Variants in SPON1 observed in about 807,000 individuals in gnomAD.
The protein encoded by SPON1 is spondin 1.
SPON1 carries 52 observed loss-of-function variants against 111.7 expected under a neutral mutation model. The observed-to-expected ratio is 0.47, with a 90% CI of 0.37 to 0.59. The LOEUF (loss-of-function observed/expected upper bound fraction) is 0.59, where lower values mean the gene tolerates loss of function less well. Among genes scored for constraint, SPON1 ranks in the 20% least tolerant of loss-of-function variants. The probability of loss-of-function intolerance (pLI) is 0.00; values close to 1 mark genes in which losing one functional copy is unlikely to be tolerated. For missense variants in SPON1, 957 were observed against 1,068.5 expected, an observed-to-expected ratio of 0.90 and a Z score of 1.46; for synonymous variants, 410 against 395.8, an observed-to-expected ratio of 1.04 and a Z score of -0.43.
intron 6 of SPON1, among the ~76,000 whole-genome samples, chr11:14,149,164 G>A (rs532548796): frequency 1.2e-4 from 19 of 152,274 alleles, no homozygotes; most frequent in African/African-American, 4.6e-4. Flanking sequence ...GAAGCTGAAA[G>A]TGATGAGTTA....
At chr11:13,989,066 A>G (rs1228640860) in intron 2 of SPON1, among the ~76,000 whole-genome samples, 1 of 152,226 alleles carries the variant, frequency 6.6e-6, no homozygotes, top group Non-Finnish European at 1.5e-5. Context: ...GCCTCATAAA[A>G]TGAATTAGGG....
intron 5 of SPON1, among the ~76,000 whole-genome samples, chr11:14,082,438 C>T (rs1433889901): frequency 2.0e-5 from 3 of 152,144 alleles, no homozygotes; most frequent in African/African-American, 7.2e-5. Flanking sequence ...TTTTAAAAGT[C>T]TTTCTTTCCC....
rs1848765907 is a variant in SPON1 at position 14,228,781 on chromosome 11, TGTATA to T, written c.826-14549_826-14545del. Among the ~76,000 whole-genome samples, 1 of 152,196 alleles carries T rather than the reference TGTATA, an allele frequency of 6.6e-6. No individual in the cohort carries two copies. The highest frequency in any genetic ancestry group is 1.5e-5 in the Non-Finnish European group (1 of 68,036). ...CTTCCACACTAACGCACAATAAAGTTGTATAGGGCAACCGTGAGATGTGAAAACAA... is the reference window on the plus strand; with the variant it reads ...CTTCCACACTAACGCACAATAAAGTTGGGCAACCGTGAGATGTGAAAACAA... On this transcript the variant is annotated intron_variant, in intron 6 of 15. Transcript: ENST00000576479. This position sits in a 1 kb window ranked among gnomAD's most constrained non-coding sequence, Gnocchi z 4.2.
chr11:14,158,410 C>G lies in SPON1; in HGVS notation c.825+22842C>G, dbSNP rs564404399. Reference sequence around the variant, plus strand: ...GTTGCAAACTTCCTTCACCATGACTCTTACAAATTAGCAACTGCCTCAGAA... The same window carrying G: ...GTTGCAAACTTCCTTCACCATGACTGTTACAAATTAGCAACTGCCTCAGAA... On this transcript the variant is annotated intron_variant, in intron 6 of 15. Coordinates refer to ENST00000576479, the MANE Select transcript of SPON1 (RefSeq NM_006108.4). Among the ~76,000 whole-genome samples, 3 of 152,298 alleles carry G rather than the reference C, an allele frequency of 2.0e-5. No individual in the cohort carries two copies. In the South Asian group the frequency reaches 6.2e-4, roughly 32 times the overall value.
At chr11:14,161,403 C>A (rs1847962825) in intron 6 of SPON1, among the ~76,000 whole-genome samples, 1 of 149,240 alleles carries the variant, frequency 6.7e-6, no homozygotes, top group Non-Finnish European at 1.5e-5. Context: ...ACTGCAAACT[C>A]CACCTCCCAG....
chr11:13,964,824 T>C (rs1205066790), intron 1 of SPON1, among the ~76,000 whole-genome samples: 12 of 152,144 alleles, frequency 7.9e-5, no homozygotes, highest in African/African-American at 2.9e-4. Flanking sequence ...AGTGGCCTAT[T>C]CGGCCCTCCC....
At chr11:13,976,129 A>G (rs1458834692) in intron 1 of SPON1, among the ~76,000 whole-genome samples, 2 of 152,232 alleles carry the variant, frequency 1.3e-5, no homozygotes, top group South Asian at 2.1e-4. Flanking sequence ...CAGAGATCAC[A>G]TAAGTGGTAG....
At chr11:13,995,542 C>G (rs188709496) in intron 2 of SPON1, among the ~76,000 whole-genome samples, 12 of 152,244 alleles carry the variant, frequency 7.9e-5, no homozygotes, top group African/African-American at 2.9e-4. Context: ...TCACTTATCA[C>G]GAGAACAGCA....
chr11:14,013,541 A>G (rs1468841228), intron 2 of SPON1, among the ~76,000 whole-genome samples: 2 of 152,170 alleles, frequency 1.3e-5, no homozygotes, highest in African/African-American at 4.8e-5. Flanking sequence ...TGTGGCTGCA[A>G]TTGCCTGAAG....
At chr11:14,120,823 C>T (rs1849299183) in intron 5 of SPON1, among the ~76,000 whole-genome samples, 1 of 152,180 alleles carries the variant, frequency 6.6e-6, no homozygotes, top group Non-Finnish European at 1.5e-5. Context: ...TCCGTAACCC[C>T]ATCACAACCA....
chr11:14,133,349 G>T (rs73424131), intron 5 of SPON1, among the ~76,000 whole-genome samples: 1 of 152,184 alleles, frequency 6.6e-6, no homozygotes, highest in South Asian at 2.1e-4. Flanking sequence ...CTCAAGAAAC[G>T]TTCAGCCTAG....
At chr11:14,112,558 T>C (rs1849234188) in intron 5 of SPON1, among the ~76,000 whole-genome samples, 2 of 152,260 alleles carry the variant, frequency 1.3e-5, no homozygotes, top group Admixed American at 6.5e-5. Context: ...AATTAATTTA[T>C]GTAAAGCGCT....
chr11:14,095,042 A>T (rs1300695392), intron 5 of SPON1, among the ~76,000 whole-genome samples: 1 of 152,248 alleles, frequency 6.6e-6, no homozygotes, highest in Non-Finnish European at 1.5e-5. Flanking sequence ...TGGCTTGGAA[A>T]TGGAGGTGCT....
At chr11:14,112,396 G>A (rs7109700) in intron 5 of SPON1, among the ~76,000 whole-genome samples, 2,999 of 152,250 alleles carry the variant, frequency 0.02, 98 homozygotes, top group African/African-American at 0.068. Context: ...TAAGCATGTA[G>A]ACTCTGCAGT....
Position 14,197,786 on chromosome 11 carries a change from GC to G in SPON1, c.826-45544del, listed in dbSNP as rs1389859966. 5.9e-5 allele frequency among the ~76,000 whole-genome samples: 9 copies of G among 152,112 alleles called. 1 individual carries two copies. The highest frequency in any genetic ancestry group is 5.9e-4 in the Admixed American group (9 of 15,264). On this transcript the variant is annotated intron_variant, in intron 6 of 15. Coordinates refer to ENST00000576479, the MANE Select transcript of SPON1 (RefSeq NM_006108.4). ...GCTGAGATCACACCACTGCACTCCA[GC>G]CTGGGTGACAGAGCGAGACTTCCAT...
chr11:14,028,592 T>C (rs1327540115), intron 2 of SPON1, among the ~76,000 whole-genome samples: 1 of 152,110 alleles, frequency 6.6e-6, no homozygotes, highest in Non-Finnish European at 1.5e-5. Flanking sequence ...ACTTATTCAG[T>C]GTATATGCAT....
intron 2 of SPON1, among the ~76,000 whole-genome samples, chr11:14,004,182 C>T (rs1175671010): frequency 1.3e-5 from 2 of 152,130 alleles, no homozygotes; most frequent in African/African-American, 2.4e-5. Context: ...CACACACACA[C>T]ACGTGTACAT....
chr11:13,993,263 G>A (rs879986151), intron 2 of SPON1, among the ~76,000 whole-genome samples: 17 of 151,916 alleles, frequency 1.1e-4, no homozygotes, highest in African/African-American at 3.6e-4. Context: ...AAAGAAGGCC[G>A]AGGAGAAGGG....
chr11:14,202,378 G>C (rs1280209499), intron 6 of SPON1, among the ~76,000 whole-genome samples: 2 of 152,158 alleles, frequency 1.3e-5, no homozygotes, highest in Non-Finnish European at 2.9e-5. Flanking sequence ...TGCAGCTTCT[G>C]TGAACACAAG....
Sources: gnomAD v4.1 joint callset for allele counts (sites outside exome capture counted in the v4.1 genomes callset) on GRCh38, gnomAD v4.1.1 for gene constraint, Gnocchi (gnomAD v3.1) non-coding constraint, MANE v1.5 for transcripts, NCBI Gene and HGNC (gene_info 2026-07-23, HGNC 2026-07-21) for gene names.